COL23A1: variants seen among roughly 807,000 people sequenced by gnomAD.
The protein encoded by COL23A1 is collagen type XXIII alpha 1 chain, also known as collagen alpha-1(XXIII) chain.
A neutral mutation model predicts 99.3 loss-of-function variants in COL23A1; 97 were observed. That is an observed-to-expected ratio of 0.98 (90% CI 0.83 to 1.16). The LOEUF (loss-of-function observed/expected upper bound fraction) is 1.16. Among genes scored for constraint, COL23A1 ranks in the 50% most tolerant of loss-of-function variants. COL23A1 has a pLI of 0.00. For missense variants in COL23A1, 762 were observed against 757.4 expected, an observed-to-expected ratio of 1.01 and a Z score of -0.07; for synonymous variants, 320 against 308.2, an observed-to-expected ratio of 1.04 and a Z score of -0.40.
intron 2 of COL23A1, among the ~76,000 whole-genome samples, chr5:178,333,032 A>G (rs1350230242): frequency 3.3e-5 from 5 of 151,996 alleles, no homozygotes; most frequent in African/African-American, 4.8e-5. Flanking sequence ...ATCTTGGCTC[A>G]CTGTAACCTC....
chr5:178,442,533 G>A (rs1366576178), intron 2 of COL23A1, among the ~76,000 whole-genome samples: 1 of 152,154 alleles, frequency 6.6e-6, no homozygotes, highest in Non-Finnish European at 1.5e-5. Context: ...GACAGCTGGG[G>A]TCCCAGTCTG....
chr5:178,295,041 CG>C (rs1757671215), intron 3 of COL23A1, among the ~76,000 whole-genome samples: 1 of 152,102 alleles, frequency 6.6e-6, no homozygotes, highest in Non-Finnish European at 1.5e-5. Context: ...ACCAATTAGC[CG>C]GGTGTGCTGG....
chr5:178,411,805 A>G (rs578246265), intron 2 of COL23A1, among the ~76,000 whole-genome samples: 1 of 152,360 alleles, frequency 6.6e-6, no homozygotes, highest in South Asian at 2.1e-4. Context: ...TCAACCTCAT[A>G]CATAATTAAA....
intron 2 of COL23A1, among the ~76,000 whole-genome samples, chr5:178,455,577 G>A (rs763497397): frequency 9.2e-5 from 14 of 152,186 alleles, no homozygotes; most frequent in South Asian, 8.3e-4. Context: ...CTGACCAAGC[G>A]AGAATCACGG....
At chr5:178,565,813 A>ATTC (rs1762813575) in intron 1 of COL23A1, among the ~76,000 whole-genome samples, 1 of 151,976 alleles carries the variant, frequency 6.6e-6, no homozygotes, top group African/African-American at 2.4e-5. Context: ...ATCTACAAAC[A>ATTC]TTCTTTAAAG....
At chr5:178,568,751 T>C (rs1019229156) in intron 1 of COL23A1, among the ~76,000 whole-genome samples, 2 of 152,234 alleles carry the variant, frequency 1.3e-5, no homozygotes, top group Admixed American at 6.5e-5. Flanking sequence ...CTCATGCACA[T>C]TGGCGTGGAT....
At chr5:178,583,548 C>A (rs1320104689) in intron 1 of COL23A1, among the ~76,000 whole-genome samples, 1 of 152,174 alleles carries the variant, frequency 6.6e-6, no homozygotes, top group African/African-American at 2.4e-5. Context: ...CTGCGGGTCT[C>A]AGTGACCAGG....
intron 2 of COL23A1, among the ~76,000 whole-genome samples, chr5:178,454,200 T>C (rs1561985775): frequency 6.7e-6 from 1 of 149,724 alleles, no homozygotes; most frequent in Non-Finnish European, 1.5e-5. Context: ...CCCTCAATCT[T>C]ACCTCAAGGA....
chr5:178,503,342 T>TGTCTC (rs1305373414), intron 2 of COL23A1, among the ~76,000 whole-genome samples: 1 of 152,080 alleles, frequency 6.6e-6, no homozygotes, highest in African/African-American at 2.4e-5. Flanking sequence ...GAACAGACTC[T>TGTCTC]GTCTCCAAAA....
chr5:178,485,930 G>A (rs919936340), intron 2 of COL23A1, among the ~76,000 whole-genome samples: 1 of 152,144 alleles, frequency 6.6e-6, no homozygotes, highest in Non-Finnish European at 1.5e-5. Context: ...GTGGTGGGAG[G>A]GGTGCCGGGG....
chr5:178,466,385 G>T (rs969863424), intron 2 of COL23A1, among the ~76,000 whole-genome samples: 1 of 152,174 alleles, frequency 6.6e-6, no homozygotes, highest in African/African-American at 2.4e-5. Flanking sequence ...TTTTCTTAAA[G>T]CCGTCACAAA....
intron 2 of COL23A1, among the ~76,000 whole-genome samples, chr5:178,536,250 G>A (rs1760934919): frequency 1.3e-5 from 2 of 152,248 alleles, no homozygotes; most frequent in East Asian, 3.9e-4. Context: ...TCCCCGGTCT[G>A]CCTGCCTCCT....
At position 178,437,900 on chromosome 5, in the gene COL23A1, C is replaced by T. The variant is rs529843844; in HGVS notation, c.361+122782G>A. The stretch of plus-strand genomic sequence containing the variant: ...GGGAGGTGGGATGTGGGGTCAGCCT[C>T]GGCTGGGCTGAGCTGCTCATGCCTG... On this transcript the variant is annotated intron_variant, in intron 2 of 28. Coordinates refer to ENST00000390654, the MANE Select transcript of COL23A1 (RefSeq NM_173465.4). Among the ~76,000 whole-genome samples, 9 of 152,314 alleles carry T rather than the reference C, an allele frequency of 5.9e-5. 1 individual carries two copies. In the South Asian group the frequency reaches 6.2e-4, roughly 11 times the overall value.
intron 2 of COL23A1, among the ~76,000 whole-genome samples, chr5:178,360,338 T>G (rs1762108526): frequency 6.6e-6 from 1 of 152,260 alleles, no homozygotes; most frequent in East Asian, 1.9e-4. Flanking sequence ...GTTTCTTTAT[T>G]AGATTGCAAA....
chr5:178,239,791 C>T (rs1195533191), intron 27 of COL23A1, among the ~76,000 whole-genome samples: 2 of 111,060 alleles, frequency 1.8e-5, no homozygotes, highest in Non-Finnish European at 3.3e-5. Flanking sequence ...CTGCCGAGAG[C>T]CGTGTGGCTT....
rs114041353 is a variant in COL23A1 at position 178,532,902 on chromosome 5, G to A, written c.361+27780C>T. Among the ~76,000 whole-genome samples, 1,157 of 152,280 alleles carry A rather than the reference G, an allele frequency of 7.6e-3. 16 individuals are homozygous for A. The highest frequency in any genetic ancestry group is 0.027 in the African/African-American group (1,103 of 41,534). ...AGAGGCCTCGCCAGAACCCGACCAC[G>A]CTGGCCCTGATCACAGACCCCCAGC... On this transcript the variant is annotated intron_variant, in intron 2 of 28. Coordinates refer to ENST00000390654, the MANE Select transcript of COL23A1 (RefSeq NM_173465.4).
intron 2 of COL23A1, among the ~76,000 whole-genome samples, chr5:178,449,936 GAAC>G (rs746366579): frequency 6.6e-6 from 1 of 152,138 alleles, no homozygotes; most frequent in Non-Finnish European, 1.5e-5. Context: ...CGGCGCAGAA[GAAC>G]AACACCTGAC....
At chr5:178,336,818 C>T (rs1216385999) in intron 2 of COL23A1, among the ~76,000 whole-genome samples, 1 of 152,140 alleles carries the variant, frequency 6.6e-6, no homozygotes, top group Non-Finnish European at 1.5e-5. Flanking sequence ...CTTAACGGTG[C>T]TTTTAAAAAC....
At chr5:178,350,034 GC>G (rs1259264659) in intron 2 of COL23A1, among the ~76,000 whole-genome samples, 1 of 152,192 alleles carries the variant, frequency 6.6e-6, no homozygotes, top group African/African-American at 2.4e-5. Flanking sequence ...GGCCCTCTGT[GC>G]CCCCTCTCCA....
Sources: gnomAD v4.1 joint callset for allele counts (sites outside exome capture counted in the v4.1 genomes callset) on GRCh38, gnomAD v4.1.1 for gene constraint, MANE v1.5 for transcripts, NCBI Gene and HGNC (gene_info 2026-07-23, HGNC 2026-07-21) for gene names.